The following HDAC4 variants were observed in gnomAD, a reference collection of about 807,000 sequenced individuals.
HDAC4 encodes histone deacetylase 4, also known as histone deacetylase A.
In HDAC4, 16 loss-of-function variants were observed where a neutral mutation model predicts 135.1. That is an observed-to-expected ratio of 0.12 (90% CI 0.08 to 0.18). HDAC4 has a LOEUF of 0.18. HDAC4 is among the 10% of genes least tolerant of loss of function. The pLI is 1.00. For synonymous variants in HDAC4, 685 were observed against 653.4 expected, an observed-to-expected ratio of 1.05 and a Z score of -0.74; for missense variants, 1,143 against 1,511.8, an observed-to-expected ratio of 0.76 and a Z score of 4.05.
intron 24 of HDAC4, among the ~76,000 whole-genome samples, chr2:239,058,912 T>A (rs149947608): frequency 6.6e-6 from 1 of 152,186 alleles, no homozygotes; most frequent in Non-Finnish European, 1.5e-5. Flanking sequence ...AGAGGACACA[T>A]TATCCCAAAC....
intron 2 of HDAC4, among the ~76,000 whole-genome samples, chr2:239,249,581 T>G (rs1024447443): frequency 6.6e-6 from 1 of 151,824 alleles, no homozygotes; most frequent in Non-Finnish European, 1.5e-5. Context: ...TGTGACTTTC[T>G]CAGGAAAAAA....
At chr2:239,170,034 GA>G (rs1346658382) in intron 5 of HDAC4, among the ~76,000 whole-genome samples, 8 of 152,208 alleles carry the variant, frequency 5.3e-5, no homozygotes, top group Non-Finnish European at 8.8e-5. Context: ...CAGTTAAAGT[GA>G]AAAAACATTT....
At chr2:239,199,029 T>A (rs2045583622) in intron 3 of HDAC4, among the ~76,000 whole-genome samples, 1 of 152,248 alleles carries the variant, frequency 6.6e-6, no homozygotes, top group Non-Finnish European at 1.5e-5. Flanking sequence ...TTAAATATTT[T>A]GTTCAAATCA....
At position 239,115,264 on chromosome 2, in the gene HDAC4, G is replaced by A. The variant is rs372078034; in HGVS notation, c.1580C>T (p.Pro527Leu). The part of the protein sequence containing the change: ...SEPARQPESH[P>L]EETEEELREH... ...ACGGAGCTCCTCCTCCGTCTCCTCCGGGTGGCTCTCCGGCTGCCGGGCTGG... is the reference window on the plus strand; with the variant it reads ...ACGGAGCTCCTCCTCCGTCTCCTCCAGGTGGCTCTCCGGCTGCCGGGCTGG... Residue 527 changes from proline (P) to leucine (L), a missense_variant, in exon 13 of 27, where the codon CCG (proline) becomes CTG (leucine). Transcript: ENST00000543185. This position sits in a 1 kb window ranked among gnomAD's most constrained non-coding sequence, Gnocchi z 6.3. The A allele has an allele frequency of 9.3e-6, 15 of 1,613,204 alleles. No individual in the cohort carries two copies. The highest frequency in any genetic ancestry group is 2.7e-5 in the African/African-American group (2 of 74,930).
chr2:239,089,773 G>A (rs1201988786), intron 18 of HDAC4: 2 of 549,544 alleles, frequency 3.6e-6, no homozygotes, highest in Non-Finnish European at 6.5e-6. Context: ...AGTATAAAGG[G>A]TTCTTAAGAC....
chr2:239,314,602 T>G (rs750881891), intron 2 of HDAC4, among the ~76,000 whole-genome samples: 9 of 152,200 alleles, frequency 5.9e-5, no homozygotes, highest in Non-Finnish European at 2.9e-5. Context: ...GAAACAAAAC[T>G]GTCATCATTA....
intron 3 of HDAC4, among the ~76,000 whole-genome samples, chr2:239,228,874 G>A (rs2047389102): frequency 6.6e-6 from 1 of 152,154 alleles, no homozygotes; most frequent in South Asian, 2.1e-4. Flanking sequence ...GGGCACAGTC[G>A]TTCACACCTG....
At chr2:239,216,437 A>G (rs2153109593) in intron 3 of HDAC4, among the ~76,000 whole-genome samples, 1 of 152,354 alleles carries the variant, frequency 6.6e-6, no homozygotes, top group African/African-American at 2.4e-5. Context: ...GCGCCCTACC[A>G]GCCCTGATCT....
intron 6 of HDAC4, among the ~76,000 whole-genome samples, chr2:239,161,138 GCTTGT>G (rs1186369373): frequency 6.6e-6 from 1 of 152,126 alleles, no homozygotes; most frequent in Non-Finnish European, 1.5e-5. Context: ...TAAGTGGGCG[GCTTGT>G]CTTTTTACTA....
chr2:239,223,991 G>A (rs180728651), intron 3 of HDAC4, among the ~76,000 whole-genome samples: 7 of 152,132 alleles, frequency 4.6e-5, no homozygotes, highest in East Asian at 3.9e-4. Context: ...CACGTTCAGC[G>A]CAGGCTCGCC....
At chr2:239,077,594 T>G (rs1411562172) in intron 22 of HDAC4, among the ~76,000 whole-genome samples, 1 of 152,200 alleles carries the variant, frequency 6.6e-6, no homozygotes, top group Non-Finnish European at 1.5e-5. Flanking sequence ...AATTTCTACA[T>G]AGGAAAATAC....
rs2048402403 is a variant in HDAC4 at position 239,245,296 on chromosome 2, C to T, written c.23-8632G>A. Among the ~76,000 whole-genome samples the T allele has an allele frequency of 6.6e-6, 1 of 152,174 alleles. No homozygotes were observed. Among genetic ancestry groups the T allele is most frequent in the African/African-American group, 2.4e-5 (1 of 41,432 alleles). On this transcript the variant is annotated intron_variant, in intron 2 of 26. Transcript: ENST00000543185. This position sits in a 1 kb window ranked among gnomAD's most constrained non-coding sequence, Gnocchi z 4.4. ...TAAAGGACACTGGATTGGCTATGAT[C>T]AGTCAAGCCCTGAAACAGAAAATCC...
Position 239,054,730 on chromosome 2 carries a change from A to T in HDAC4, c.3088+19T>A. 1 of 1,563,254 alleles carries T rather than the reference A, an allele frequency of 6.4e-7. No homozygotes were observed. The highest frequency in any genetic ancestry group is 8.8e-7 in the Non-Finnish European group (1 of 1,133,832). On this transcript the variant is annotated intron_variant, in intron 25 of 26. Coordinates refer to ENST00000543185, the MANE Select transcript of HDAC4 (RefSeq NM_001378414.1). ...CCCCAGGGGCGTGTCCCCTGTGAGC[A>T]CCCAGCCAGGCAACTTACTGTGGAT...
chr2:239,159,817 C>T (rs2042677040), intron 6 of HDAC4, among the ~76,000 whole-genome samples: 1 of 152,260 alleles, frequency 6.6e-6, no homozygotes, highest in Non-Finnish European at 1.5e-5. Flanking sequence ...TTCAACCTTT[C>T]ATTTCCTGCA....
At chr2:239,372,869 G>A (rs1694732206) in intron 1 of HDAC4, among the ~76,000 whole-genome samples, 1 of 151,888 alleles carries the variant, frequency 6.6e-6, no homozygotes, top group African/African-American at 2.4e-5. Context: ...CACACCAGGT[G>A]GTCACTGCCT....
In HDAC4 at chr2:239,139,706, G is replaced by A. The variant is rs749350259; in HGVS notation, c.956C>T (p.Ala319Val). ...SVSAENGIAP[A>V]VPSIPAETSL... is the part of the protein sequence containing the mutation. The stretch of plus-strand genomic sequence containing the variant: ...GACCTCCGCCGGGATGCTGGGGACG[G>A]CGGGCGCGATACCGTTCTCCGCGCT... Residue 319 changes from alanine to valine, a missense_variant, in exon 9 of 27, where the codon GCC (alanine) becomes GTC (valine). By Grantham distance (64) the Ala-to-Val change is moderately conservative. Transcript: ENST00000543185. The surrounding 1 kb of genome is among the most constrained non-coding windows in gnomAD (Gnocchi z 5.3). The A allele has an allele frequency of 3.1e-6, 5 of 1,613,966 alleles. No homozygotes were observed. The African/African-American group carries it at 5.3e-5, about 17-fold the overall frequency.
chr2:239,283,586 A>G (rs754342688), intron 2 of HDAC4, among the ~76,000 whole-genome samples: 57 of 152,274 alleles, frequency 3.7e-4, no homozygotes, highest in Non-Finnish European at 4.8e-4. Flanking sequence ...AGAGCACTGC[A>G]GTACAGAAAT....
At chr2:239,122,105 A>G (rs2039746092) in intron 12 of HDAC4, among the ~76,000 whole-genome samples, 1 of 152,260 alleles carries the variant, frequency 6.6e-6, no homozygotes, top group Non-Finnish European at 1.5e-5. Context: ...GTAAACTGCC[A>G]GTATTTTAAA....
At chr2:239,369,707 C>T (rs1010610491) in intron 1 of HDAC4, among the ~76,000 whole-genome samples, 2 of 152,168 alleles carry the variant, frequency 1.3e-5, no homozygotes, top group South Asian at 2.1e-4. Context: ...CACAGCGCCT[C>T]GGAAGCCAGG....
Sources: allele counts gnomAD v4.1 joint callset (sites outside exome capture counted in the v4.1 genomes callset), GRCh38; gene constraint gnomAD v4.1.1; non-coding constraint Gnocchi (gnomAD v3.1); transcripts MANE v1.5; gene names NCBI Gene and HGNC (gene_info 2026-07-23, HGNC 2026-07-21).